EIF4G2: variants seen among roughly 807,000 people sequenced by gnomAD.
The protein encoded by EIF4G2 is DAP-5.
A neutral mutation model predicts 117.7 loss-of-function variants in EIF4G2; 8 were observed. The ratio of observed to expected loss-of-function variants is 0.07; its 90% CI spans 0.04 to 0.12. EIF4G2 has a LOEUF of 0.12. Among genes scored for constraint, EIF4G2 ranks in the 10% least tolerant of loss-of-function variants. The pLI, the probability that EIF4G2 is intolerant of heterozygous loss-of-function variation, is 1.00. For missense variants in EIF4G2, 812 were observed against 1,086.2 expected (o/e 0.75, Z 3.55); for synonymous variants, 413 against 367.8 (o/e 1.12, Z -1.41).
Position 10,804,927 on chromosome 11 carries a change from CT to C in EIF4G2, c.336del (p.Val114SerfsTer4). The C allele has an allele frequency of 6.2e-7, 1 of 1,613,884 alleles. No individual in the cohort carries two copies. Among genetic ancestry groups the C allele is most frequent in the Non-Finnish European group, 8.5e-7 (1 of 1,179,850 alleles). ...TTAAAACTTACCAGCAGTATGACCC[CT>C]TTAAGGATGAGTTTAGACTCTACAC... On this transcript the variant is annotated frameshift_variant, in exon 5 of 22. Transcript: ENST00000339995. LOFTEE classifies it high-confidence loss of function.
In EIF4G2 at chr11:10,807,180, G is replaced by A. The variant is rs111879061; in HGVS notation, c.41+75C>T. 1,940 of 1,535,802 alleles carry A rather than the reference G, an allele frequency of 1.3e-3. 25 individuals carry two copies. In the African/African-American group the frequency reaches 0.024, roughly 19 times the overall value. ...ATGAAAATTGCAGCCCATTAAGTCG[G>A]ACTTATTTGCTGTGTTAACTACTTT... is the stretch of plus-strand genomic sequence containing the variant. On this transcript the variant is annotated intron_variant, in intron 2 of 21. Transcript: ENST00000339995.
intron 5 of EIF4G2, 80 bp from the exon 6 acceptor site, chr11:10,804,498 A>T (rs2135416776): frequency 1.3e-6 from 2 of 1,491,050 alleles, no homozygotes; most frequent in East Asian, 2.3e-5. Flanking sequence ...CAACCACCTA[A>T]ATGTTAGCTA....
At chr11:10,807,056 C>T in intron 2 of EIF4G2, 171 bp from the exon 3 acceptor site, 1 of 1,129,442 alleles carries the variant, frequency 8.9e-7, no homozygotes, top group South Asian at 1.5e-5. Flanking sequence ...CAAATGAAGA[C>T]TGAACTCGGA....
Position 10,804,300 on chromosome 11 carries a change from T to C in EIF4G2, c.470A>G (p.Gln157Arg). 1 of 1,613,974 alleles carries C rather than the reference T, an allele frequency of 6.2e-7. No homozygotes were observed. Among genetic ancestry groups the C allele is most frequent in the Non-Finnish European group, 8.5e-7 (1 of 1,179,950 alleles). ...ACTACCACTTACGGTGCTTTGCTTC[T>C]GTCCTGGTTGACCCTCTGCTGCTGG... Residue 157 changes from glutamine (Q) to arginine (R), a missense_variant, in exon 6 of 22, where the codon CAG becomes CGG. This residue lies in a region of EIF4G2 where 154 missense variants were observed against 322.1 expected (regional missense o/e 0.48). Coordinates refer to ENST00000339995, the MANE Select transcript of EIF4G2 (RefSeq NM_001418.4).
Position 10,801,529 on chromosome 11 carries a change from G to A in EIF4G2, c.1413+132C>T, listed in dbSNP as rs1472824561. ...TGGACATTCAAAGAAAGAAAAAGAA[G>A]TATAGAAAAGAGAGAAAAACGTCAA... On this transcript the variant is annotated intron_variant, in intron 14 of 21. Transcript: ENST00000339995. 8.0e-6 allele frequency: 7 copies of A among 876,850 alleles called. 1 individual carries two copies. Among genetic ancestry groups the A allele is most frequent in the Non-Finnish European group, 3.9e-6 (2 of 518,696 alleles). The allele number at this position is 876,850 out of a possible 1,614,324, so 54.3% of individuals were successfully genotyped here. A position where few individuals can be genotyped will look rare whatever the true frequency, so the allele number is the denominator to read the frequency against.
At position 10,801,642 on chromosome 11, in the gene EIF4G2, G is replaced by A. The variant is rs779987229; in HGVS notation, c.1413+19C>T. On this transcript the variant is annotated intron_variant, in intron 14 of 21. Transcript: ENST00000339995. ...TGAATGGACAAACTATGGTATATAAGTAACATAGGCAAATGTACCTCATCT... is the reference window on the plus strand; with the variant it reads ...TGAATGGACAAACTATGGTATATAAATAACATAGGCAAATGTACCTCATCT... 1 of 1,601,390 alleles carries A rather than the reference G, an allele frequency of 6.2e-7. No individual in the cohort carries two copies. The highest frequency in any genetic ancestry group is 8.6e-7 in the Non-Finnish European group (1 of 1,168,460).
Position 10,803,409 on chromosome 11 carries a change from G to T in EIF4G2, c.813+71C>A. On this transcript the variant is annotated intron_variant, in intron 9 of 21. Coordinates refer to ENST00000339995, the MANE Select transcript of EIF4G2 (RefSeq NM_001418.4). The surrounding 1 kb of genome is among the most constrained non-coding windows in gnomAD (Gnocchi z 4.0). ...ATGGCTAAATATGGCAATCCCTTAT[G>T]ATGTCACAAAAATCAATAGCTTGAT... 1.3e-6 allele frequency: 2 copies of T among 1,559,486 alleles called. No individual in the cohort carries two copies. The highest frequency in any genetic ancestry group is 1.8e-6 in the Non-Finnish European group (2 of 1,132,516).
chr11:10,806,225 G>A, intron 3 of EIF4G2, 178 bp from the exon 4 acceptor site: 1 of 817,662 alleles, frequency 1.2e-6, no homozygotes, highest in Non-Finnish European at 1.9e-6. Flanking sequence ...TGAAGGGCTT[G>A]TTAATACAGA....
At position 10,800,581 on chromosome 11, in the gene EIF4G2, T is replaced by A; in HGVS notation, c.1711A>T (p.Met571Leu). Residue 571 changes from methionine (M) to leucine (L), a missense_variant, in exon 17 of 22, where the codon ATG becomes TTG. This residue lies in a region of EIF4G2 where 571 missense variants were observed against 642.3 expected (regional missense o/e 0.89). Transcript: ENST00000339995. ...GGAAGAAAGTGTTTAGGAGCCCTCA[T>A]TTCTCTTACACCATTGACAGCCTCA... The A allele has an allele frequency of 6.2e-7, 1 of 1,614,204 alleles. No homozygotes were observed. Among genetic ancestry groups the A allele is most frequent in the Non-Finnish European group, 8.5e-7 (1 of 1,180,038 alleles).
intron 18 of EIF4G2, 46 bp downstream of exon 18, chr11:10,800,044 G>A (rs181932480): frequency 1.1e-5 from 18 of 1,584,044 alleles, no homozygotes; most frequent in Middle Eastern, 1.7e-4. Context: ...GAAATCTCTA[G>A]ATATAATATT....
intron 21 of EIF4G2, among the ~76,000 whole-genome samples, chr11:10,798,388 A>T (rs550722529): frequency 4.6e-5 from 7 of 152,228 alleles, no homozygotes; most frequent in East Asian, 1.9e-4. Context: ...AATATATAGT[A>T]TTTAAACTTT....
In EIF4G2 at chr11:10,803,162, C is replaced by T. The variant is rs1448766835; in HGVS notation, c.898-34G>A. The T allele has an allele frequency of 6.2e-7, 1 of 1,606,216 alleles. No homozygotes were observed. The highest frequency in any genetic ancestry group is 8.5e-7 in the Non-Finnish European group (1 of 1,177,180). ...GAAAAATAATTTTATTTTAATATTC[C>T]TAAACCAAAAACTCAGCTTACCAAC... On this transcript the variant is annotated intron_variant, in intron 10 of 21. Coordinates refer to ENST00000339995, the MANE Select transcript of EIF4G2 (RefSeq NM_001418.4). This position sits in a 1 kb window ranked among gnomAD's most constrained non-coding sequence, Gnocchi z 4.0.
rs748328215 is a variant in EIF4G2, at chr11:10,801,516, GA to G, written c.1413+144del. On this transcript the variant is annotated intron_variant, in intron 14 of 21. Transcript: ENST00000339995. ...GCTCACAGGACGCTGGACATTCAAA[GA>G]AAGAAAAAGAAGTATAGAAAAGAGA... The G allele has an allele frequency of 1.2e-5, 10 of 847,924 alleles. No individual in the cohort carries two copies. In the South Asian group the frequency reaches 1.3e-4, roughly 11 times the overall value. 52.5% of individuals were successfully genotyped at this position (847,924 alleles called of 1,614,324 possible). A position where few individuals can be genotyped will look rare whatever the true frequency, so the allele number is the denominator to read the frequency against.
At chr11:10,805,769 A>T (rs1433567011) in intron 4 of EIF4G2, 138 bp downstream of exon 4, 8 of 1,320,154 alleles carry the variant, frequency 6.1e-6, no homozygotes, top group Non-Finnish European at 7.5e-6. Flanking sequence ...AGATATTTTT[A>T]AAAATTGCTA....
intron 21 of EIF4G2, chr11:10,798,783 C>T: frequency 1.9e-6 from 1 of 538,398 alleles, no homozygotes. Context: ...AAGTTAGCTA[C>T]CTCTAACATC....
At chr11:10,808,009 C>G (rs1308746358) in intron 1 of EIF4G2, 1 of 1,042,744 alleles carries the variant, frequency 9.6e-7, no homozygotes, top group Non-Finnish European at 1.2e-6. Flanking sequence ...TTCCGACAAC[C>G]TCCCCGCGAG....
In EIF4G2 at chr11:10,804,956, A is replaced by G; in HGVS notation, c.308T>C (p.Val103Ala). Residue 103 changes from valine (V) to alanine (A), a missense_variant, in exon 5 of 22, where the codon GTG becomes GCG. By Grantham distance (64) the Val-to-Ala change is moderately conservative. Transcript: ENST00000339995. ...AAGGATGAGTTTAGACTCTACACCC[A>G]CATTGAGGAGCTCAAGGCATAGCTT... 3 of 1,614,134 alleles carry G rather than the reference A, an allele frequency of 1.9e-6. No homozygotes were observed. The highest frequency in any genetic ancestry group is 2.5e-6 in the Non-Finnish European group (3 of 1,180,010).
chr11:10,803,597 G>A lies in EIF4G2; in HGVS notation c.703-7C>T, dbSNP rs763852337. On this transcript the variant is annotated splice_region_variant and splice_polypyrimidine_tract_variant and intron_variant, in intron 8 of 21. Coordinates refer to ENST00000339995, the MANE Select transcript of EIF4G2 (RefSeq NM_001418.4). The surrounding 1 kb of genome is among the most constrained non-coding windows in gnomAD (Gnocchi z 4.0). ...TCTTCTTCTTTTCCAAAAGCTACAA[G>A]AATAAAAGGCCATGGTGACAAAGTT... The A allele has an allele frequency of 3.1e-6, 5 of 1,609,698 alleles. No individual in the cohort carries two copies. The highest frequency in any genetic ancestry group is 3.3e-5 in the Admixed American group (2 of 59,930).
chr11:10,806,648 A>G, intron 3 of EIF4G2, 172 bp downstream of exon 3: 1 of 632,190 alleles, frequency 1.6e-6, no homozygotes, highest in Non-Finnish European at 2.7e-6. Context: ...CACTTAGAAA[A>G]TTTGGCTAAG....
Sources: allele counts gnomAD v4.1 joint callset (sites outside exome capture counted in the v4.1 genomes callset), GRCh38; gene constraint gnomAD v4.1.1; regional missense constraint gnomAD v4.1.1; non-coding constraint Gnocchi (gnomAD v3.1); transcripts MANE v1.5; gene names NCBI Gene and HGNC (gene_info 2026-07-23, HGNC 2026-07-21).